Variants in GRK5 observed in about 807,000 individuals in gnomAD.
GRK5 encodes G protein-coupled receptor kinase 5, also known as g protein-coupled receptor kinase GRK5.
In GRK5, 40 loss-of-function variants were observed where a neutral mutation model predicts 78.4. That is an observed-to-expected ratio of 0.51 (90% CI 0.40 to 0.66). The LOEUF (loss-of-function observed/expected upper bound fraction) is 0.66. Ranked by LOEUF, GRK5 falls within the 30% of genes least tolerant of loss-of-function variation. GRK5 has a pLI of 0.00. For missense variants in GRK5, 598 were observed against 759.9 expected, an observed-to-expected ratio of 0.79 and a Z score of 2.50; for synonymous variants, 289 against 296.8, an observed-to-expected ratio of 0.97 and a Z score of 0.27.
chr10:119,211,147 T>C (rs1315450817), intron 1 of GRK5, among the ~76,000 whole-genome samples: 2 of 152,184 alleles, frequency 1.3e-5, no homozygotes, highest in African/African-American at 2.4e-5. Flanking sequence ...TTTTGGGGCC[T>C]GTTTATTTGT....
chr10:119,261,042 C>T (rs1312794633), intron 1 of GRK5, among the ~76,000 whole-genome samples: 2 of 123,880 alleles, frequency 1.6e-5, no homozygotes, highest in African/African-American at 5.9e-5. Context: ...GGGCTGACCC[C>T]CCCACCTCCC....
chr10:119,248,916 C>T (rs569534351), intron 1 of GRK5, among the ~76,000 whole-genome samples: 14 of 151,938 alleles, frequency 9.2e-5, no homozygotes, highest in South Asian at 2.1e-4. Context: ...AAACATTTGC[C>T]GACCTCTGAC....
chr10:119,248,380 T>C (rs888953315), intron 1 of GRK5, among the ~76,000 whole-genome samples: 1 of 152,244 alleles, frequency 6.6e-6, no homozygotes, highest in Non-Finnish European at 1.5e-5. Flanking sequence ...CTTGCTTTTT[T>C]CACTTACACA....
At chr10:119,335,129 C>CCTCTCTCTCTCTCCCT (rs1850852672) in intron 2 of GRK5, 1 of 9,872 alleles carries the variant, frequency 1.0e-4, no homozygotes, top group Non-Finnish European at 1.8e-4. Flanking sequence ...GCCTGCCTTG[C>CCTCTCTCTCTCTCCCT]CTCTCTCTCT....
At chr10:119,349,572 T>C (rs1851157214) in intron 2 of GRK5, among the ~76,000 whole-genome samples, 1 of 152,164 alleles carries the variant, frequency 6.6e-6, no homozygotes, top group South Asian at 2.1e-4. Context: ...GGAGGGCCTG[T>C]GCACTCAGGG....
intron 1 of GRK5, among the ~76,000 whole-genome samples, chr10:119,261,886 GTGGAAAGAGA>G (rs1235953814): frequency 1.3e-5 from 2 of 152,088 alleles, no homozygotes; most frequent in Admixed American, 1.3e-4. Flanking sequence ...GAGGGAGACT[GTGGAAAGAGA>G]GGGAGAGGGA....
intron 1 of GRK5, among the ~76,000 whole-genome samples, chr10:119,233,516 G>A (rs1848865325): frequency 1.3e-5 from 2 of 152,076 alleles, no homozygotes; most frequent in African/African-American, 2.4e-5. Context: ...GGCTGATGGG[G>A]TGGGGGAGAG....
At chr10:119,453,321 C>A in intron 15 of GRK5, 45 bp downstream of exon 15, 1 of 1,609,554 alleles carries the variant, frequency 6.2e-7, no homozygotes, top group Non-Finnish European at 8.5e-7. Context: ...GCTCCGAGAC[C>A]CCTGGCTCAC....
intron 2 of GRK5, among the ~76,000 whole-genome samples, chr10:119,337,575 G>T (rs753980323): frequency 3.3e-5 from 5 of 152,018 alleles, no homozygotes; most frequent in Non-Finnish European, 5.9e-5. Flanking sequence ...CCTTCACTCG[G>T]TCTTCTACCT....
rs1006031848 is a variant in GRK5, at chr10:119,452,908, C to T, written c.1542+100C>T. On this transcript the variant is annotated intron_variant, in intron 14 of 15. Coordinates refer to ENST00000392870, the MANE Select transcript of GRK5 (RefSeq NM_005308.3). The surrounding 1 kb of genome is among the most constrained non-coding windows in gnomAD (Gnocchi z 4.4). ...ATGAGTTTGGCGGCAGGAGGCTGAG[C>T]GCATGGTTTCTGTTTTCTCCATGAA... is the stretch of plus-strand genomic sequence containing the variant. The T allele has an allele frequency of 2.5e-5, 34 of 1,368,396 alleles. No homozygotes were observed. The highest frequency in any genetic ancestry group is 1.1e-4 in the African/African-American group (8 of 70,070). The allele number at this position is 1,368,396 out of a possible 1,614,324, so 84.8% of individuals were successfully genotyped here.
At chr10:119,215,858 T>C (rs767886954) in intron 1 of GRK5, among the ~76,000 whole-genome samples, 1 of 152,150 alleles carries the variant, frequency 6.6e-6, no homozygotes, top group Non-Finnish European at 1.5e-5. Context: ...GTGCGGCAGA[T>C]CTACAGAAAG....
chr10:119,436,554 G>C, intron 8 of GRK5, 97 bp from the exon 9 acceptor site: 1 of 1,244,524 alleles, frequency 8.0e-7, no homozygotes, highest in Non-Finnish European at 1.2e-6. Context: ...AGGCTCCTCT[G>C]TTCCCTCACA....
intron 1 of GRK5, among the ~76,000 whole-genome samples, chr10:119,287,255 GAGGAGGAAGGGA>G (rs1849864753): frequency 7.2e-6 from 1 of 138,482 alleles, no homozygotes; most frequent in Non-Finnish European, 1.6e-5. Flanking sequence ...GGAAGGGAGA[GAGGAGGAAGGGA>G]AGGAGGAAGG....
At chr10:119,351,638 G>A (rs764781493) in intron 2 of GRK5, among the ~76,000 whole-genome samples, 1 of 152,118 alleles carries the variant, frequency 6.6e-6, no homozygotes, top group African/African-American at 2.4e-5. Context: ...GAGTGAGGAT[G>A]GACTAAGACA....
Position 119,264,153 on chromosome 10 carries a change from G to A in GRK5, c.52+56184G>A, listed in dbSNP as rs1452071819. ...GAGCCACGTGCTTGCATGCCACCTTGAATGCTCTCCATTGACATTTGCAAC... is the reference window on the plus strand; with the variant it reads ...GAGCCACGTGCTTGCATGCCACCTTAAATGCTCTCCATTGACATTTGCAAC... On this transcript the variant is annotated intron_variant, in intron 1 of 15. Coordinates refer to ENST00000392870, the MANE Select transcript of GRK5 (RefSeq NM_005308.3). The surrounding 1 kb of genome is among the most constrained non-coding windows in gnomAD (Gnocchi z 4.1). Among the ~76,000 whole-genome samples, 6 of 152,130 alleles carry A rather than the reference G, an allele frequency of 3.9e-5. No individual in the cohort carries two copies. Among genetic ancestry groups the A allele is most frequent in the Admixed American group, 3.9e-4 (6 of 15,256 alleles).
intron 8 of GRK5, among the ~76,000 whole-genome samples, chr10:119,434,014 A>C (rs753223080): frequency 5.9e-5 from 9 of 152,218 alleles, no homozygotes; most frequent in Non-Finnish European, 1.3e-4. Flanking sequence ...TGGCGGTGGC[A>C]AGAGAAGAAT....
chr10:119,333,695 T>A, intron 2 of GRK5: 5 of 501,616 alleles, frequency 1.0e-5, no homozygotes, highest in South Asian at 7.4e-5. Context: ...TTGTATCTTG[T>A]AAGTGTGTGC....
At chr10:119,401,177 A>G (rs1852144431) in intron 4 of GRK5, among the ~76,000 whole-genome samples, 1 of 152,204 alleles carries the variant, frequency 6.6e-6, no homozygotes, top group South Asian at 2.1e-4. Flanking sequence ...GCGAGCTCAC[A>G]TCCTGAGGTG....
intron 4 of GRK5, among the ~76,000 whole-genome samples, chr10:119,421,544 C>T (rs556208469): frequency 6.6e-6 from 1 of 152,212 alleles, no homozygotes; most frequent in African/African-American, 2.4e-5. Flanking sequence ...AAGTTGTGAC[C>T]CGTGCTCTGT....
Sources: gnomAD v4.1 joint callset for allele counts (sites outside exome capture counted in the v4.1 genomes callset) on GRCh38, gnomAD v4.1.1 for gene constraint, Gnocchi (gnomAD v3.1) non-coding constraint, MANE v1.5 for transcripts, NCBI Gene and HGNC (gene_info 2026-07-23, HGNC 2026-07-21) for gene names.